The following FCRL6 variants were observed in gnomAD, a reference collection of about 807,000 sequenced individuals.
The protein encoded by FCRL6 is Fc receptor like 6.
In FCRL6, 50 loss-of-function variants were observed where a neutral mutation model predicts 49.1. The observed-to-expected ratio is 1.02, with a 90% confidence interval of 0.81 to 1.29. FCRL6 has a LOEUF of 1.29. Among genes scored for constraint, FCRL6 ranks in the 50% most tolerant of loss-of-function variants. The pLI is 0.00. For missense variants in FCRL6, 571 were observed against 518.5 expected (o/e 1.10, Z -0.98); for synonymous variants, 213 against 199.6 (o/e 1.07, Z -0.57).
chr1:159,809,287 C>T (rs200426813), intron 4 of FCRL6, 42 bp downstream of exon 4: 80 of 1,524,908 alleles, frequency 5.2e-5, no homozygotes, highest in Middle Eastern at 2.2e-4. Flanking sequence ...GGGCCCTGGG[C>T]GTCAGGCAGT....
At chr1:159,807,537 G>T (rs1662772893) in intron 2 of FCRL6, among the ~76,000 whole-genome samples, 1 of 152,218 alleles carries the variant, frequency 6.6e-6, no homozygotes, top group Non-Finnish European at 1.5e-5. Context: ...AGAGAGAACA[G>T]ATCCCTTCCA....
upstream of FCRL6, among the ~76,000 whole-genome samples, chr1:159,801,961 A>G (rs1571082054): frequency 6.6e-6 from 1 of 151,776 alleles, no homozygotes; most frequent in Non-Finnish European, 1.5e-5. Flanking sequence ...TGGAGACAGG[A>G]GCTCCTTGGA....
Position 159,809,700 on chromosome 1 carries a change from A to G in FCRL6, c.886+17A>G. The G allele has an allele frequency of 6.2e-7, 1 of 1,610,402 alleles. No homozygotes were observed. Among genetic ancestry groups the G allele is most frequent in the Admixed American group, 1.7e-5 (1 of 59,968 alleles). On this transcript the variant is annotated intron_variant, in intron 5 of 9. Transcript: ENST00000368106. ...CTCTGAAGGGTGTGTTTTGTTCTCC[A>G]ACAGAGCTTTGAGCCCCAGCAAGCT...
At position 159,808,296 on chromosome 1, in the gene FCRL6, A is replaced by G; in HGVS notation, c.171A>G (p.Lys57=). 2 of 1,614,204 alleles carry G rather than the reference A, an allele frequency of 1.2e-6. No individual in the cohort carries two copies. Among genetic ancestry groups the G allele is most frequent in the Non-Finnish European group, 1.7e-6 (2 of 1,180,034 alleles). ...AGGTGAAGTTCTACAGAGATGGAAA[A>G]TTCCTTCATTTCTCTAAGGAAAACC... is the stretch of plus-strand genomic sequence containing the variant. ...LSQVKFYRDG[K]FLHFSKENQT... Residue 57 remains lysine (K), a synonymous_variant, in exon 3 of 10, where the codon AAA becomes AAG. Coordinates refer to ENST00000368106, the MANE Select transcript of FCRL6 (RefSeq NM_001004310.3).
At chr1:159,802,339 C>T (rs184662133), upstream of FCRL6, 339 of 1,533,846 alleles carry the variant, frequency 2.2e-4, 1 homozygote, top group East Asian at 5.6e-3. Context: ...CACCCACCTT[C>T]GGTCCTGAGG....
Position 159,809,480 on chromosome 1 carries a change from G to A in FCRL6, c.683G>A (p.Cys228Tyr), listed in dbSNP as rs375136608. ...PAVGDMVQLL[C>Y]EAQRGSPPIL... ...GTGGGGGACATGGTGCAGCTCCTCT[G>A]TGAGGCACAGAGGGGCTCCCCTCCG... The change falls in exon 5 of 10, where the codon TGT becomes TAT. Residue 228 changes from cysteine to tyrosine, a missense_variant. Physicochemically the swap from Cys to Tyr is radical, Grantham distance 194 (BLOSUM62 -2). Transcript: ENST00000368106. 6.2e-7 allele frequency: 1 copy of A among 1,614,130 alleles called. No homozygotes were observed. Among genetic ancestry groups the A allele is most frequent in the South Asian group, 1.1e-5 (1 of 91,088 alleles).
Position 159,802,430 on chromosome 1 carries a change from G to C in FCRL6, c.6G>C (p.Leu2=). Reference sequence around the variant, plus strand: ...GCTGTGCCAGAACAGGCCCCATGCTGCTCTGGACGGCTGTGCTGCTCTTTG... The same window carrying C: ...GCTGTGCCAGAACAGGCCCCATGCTCCTCTGGACGGCTGTGCTGCTCTTTG... M[L]LWTAVLLFVP... The change falls in exon 1 of 10, where the codon CTG becomes CTC. Residue 2 remains leucine, a synonymous_variant. Transcript: ENST00000368106. 1 of 1,613,860 alleles carries C rather than the reference G, an allele frequency of 6.2e-7. No individual in the cohort carries two copies. Among genetic ancestry groups the C allele is most frequent in the Admixed American group, 1.7e-5 (1 of 60,016 alleles).
chr1:159,803,067 G>C (rs1662444299), intron 1 of FCRL6, among the ~76,000 whole-genome samples: 1 of 152,118 alleles, frequency 6.6e-6, no homozygotes, highest in Admixed American at 6.5e-5. Flanking sequence ...CTCTCTGTTG[G>C]GAGCTGTTTC....
At position 159,809,677 on chromosome 1, in the gene FCRL6, C is replaced by G; in HGVS notation, c.880C>G (p.Leu294Val). 6.2e-7 allele frequency: 1 copy of G among 1,613,856 alleles called. No individual in the cohort carries two copies. The highest frequency in any genetic ancestry group is 8.5e-7 in the Non-Finnish European group (1 of 1,179,930). Residue 294 changes from leucine to valine, a missense_variant, in exon 5 of 10, where the codon CTG (leucine) becomes GTG (valine). By Grantham distance (32) the Leu-to-Val change is conservative. Transcript: ENST00000368106. ...GAGGAGTGAGCCCAAGAAGCTGTCT[C>G]TGAAGGGTGTGTTTTGTTCTCCAAC... ...RERSEPKKLS[L>V]KGSQVLFTPA... is the part of the protein sequence containing the mutation.
At chr1:159,808,866 C>A in intron 3 of FCRL6, 95 bp from the exon 4 acceptor site, 2 of 1,357,194 alleles carry the variant, frequency 1.5e-6, no homozygotes, top group Non-Finnish European at 2.0e-6. Context: ...GGTCCCCGGG[C>A]TGCAGCCTGA....
intron 1 of FCRL6, among the ~76,000 whole-genome samples, chr1:159,804,867 T>C (rs1662576831): frequency 6.6e-6 from 1 of 152,250 alleles, no homozygotes; most frequent in Non-Finnish European, 1.5e-5. Flanking sequence ...GAGTAAGGTC[T>C]CTGTCACTCT....
At position 159,813,502 on chromosome 1, in the gene FCRL6, C is replaced by A. The variant is rs752735449; in HGVS notation, c.1023C>A (p.Ser341=). Residue 341 remains serine, a synonymous_variant, in exon 7 of 10, where the codon TCC becomes TCA. Coordinates refer to ENST00000368106, the MANE Select transcript of FCRL6 (RefSeq NM_001004310.3). ...TGTATCTCCTAGGGCCCCTTCCATC[C>A]CAGATACCACCCACAGCTCCAGGTG... ...RSWRKAGPLP[S]QIPPTAPGGE... is the part of the protein sequence containing the mutation. 2.5e-6 allele frequency: 4 copies of A among 1,613,960 alleles called. No homozygotes were observed. The East Asian group carries it at 8.9e-5, about 36-fold the overall frequency.
At position 159,815,468 on chromosome 1, in the gene FCRL6, G is replaced by C. The variant is rs1663343363; in HGVS notation, c.1179+9G>C. 1 of 1,613,724 alleles carries C rather than the reference G, an allele frequency of 6.2e-7. No individual in the cohort carries two copies. The highest frequency in any genetic ancestry group is 8.5e-7 in the Non-Finnish European group (1 of 1,179,870). ...TCACCGTGGGGAGAAAGGTGAGCTGGGATCCCTGCTCCTTTCTCACCCTCT... is the reference window on the plus strand; with the variant it reads ...TCACCGTGGGGAGAAAGGTGAGCTGCGATCCCTGCTCCTTTCTCACCCTCT... On this transcript the variant is annotated intron_variant, in intron 9 of 9. Transcript: ENST00000368106.
Position 159,815,409 on chromosome 1 carries a change from G to A in FCRL6, c.1148-19G>A, listed in dbSNP as rs1173799824. The A allele has an allele frequency of 6.2e-7, 1 of 1,613,222 alleles. No individual in the cohort carries two copies. Among genetic ancestry groups the A allele is most frequent in the Admixed American group, 1.7e-5 (1 of 59,994 alleles). On this transcript the variant is annotated intron_variant, in intron 8 of 9. Transcript: ENST00000368106. ...TGTGGAGCACAGAGACCTGACCTGA[G>A]CTCATTCTTTCCCCACAGCCAGGTC... is the stretch of plus-strand genomic sequence containing the variant.
At chr1:159,813,112 A>C (rs1663180740) in intron 6 of FCRL6, among the ~76,000 whole-genome samples, 1 of 152,220 alleles carries the variant, frequency 6.6e-6, no homozygotes, top group South Asian at 2.1e-4. Flanking sequence ...TAGGTGCTTT[A>C]CTAGGAAGAT....
At chr1:159,806,669 T>G (rs1662706768) in intron 2 of FCRL6, 53 bp downstream of exon 2, 3 of 1,583,876 alleles carry the variant, frequency 1.9e-6, no homozygotes, top group Non-Finnish European at 1.7e-6. Flanking sequence ...GGGCCAAAAC[T>G]TACTGGATGG....
At chr1:159,803,305 T>C (rs1014344704) in intron 1 of FCRL6, among the ~76,000 whole-genome samples, 2 of 152,244 alleles carry the variant, frequency 1.3e-5, no homozygotes, top group African/African-American at 4.8e-5. Context: ...TTTGTTTCAC[T>C]TTACAGTTTC....
intron 3 of FCRL6, chr1:159,808,738 G>A: frequency 1.6e-6 from 1 of 606,610 alleles, no homozygotes; most frequent in Non-Finnish European, 2.9e-6. Flanking sequence ...GACTTCGAAG[G>A]CCCCCTCTGC....
Position 159,816,228 on chromosome 1 carries a change from T to C in FCRL6, c.*567T>C, listed in dbSNP as rs910687907. The C allele has an allele frequency of 2.0e-5, 3 of 152,760 alleles. No homozygotes were observed. The highest frequency in any genetic ancestry group is 2.0e-4 in the Admixed American group (3 of 15,356). The allele number at this position is 152,760 out of a possible 1,614,324, so 9.5% of individuals were successfully genotyped here. A position where few individuals can be genotyped will look rare whatever the true frequency, so the allele number is the denominator to read the frequency against. ...TACAGTACACTATACTTGATAATGATAATAAACAACTATGTTACTGGTTTA... is the reference window on the plus strand; with the variant it reads ...TACAGTACACTATACTTGATAATGACAATAAACAACTATGTTACTGGTTTA... On this transcript the variant is annotated 3_prime_UTR_variant, in exon 10 of 10. Coordinates refer to ENST00000368106, the MANE Select transcript of FCRL6 (RefSeq NM_001004310.3).
Sources: gnomAD v4.1 joint callset for allele counts (sites outside exome capture counted in the v4.1 genomes callset) on GRCh38, gnomAD v4.1.1 for gene constraint, MANE v1.5 for transcripts, NCBI Gene and HGNC (gene_info 2026-07-23, HGNC 2026-07-21) for gene names.